FGFR2: variants seen among roughly 807,000 people sequenced by gnomAD.
FGFR2 encodes fibroblast growth factor receptor 2.
In FGFR2, 19 loss-of-function variants were observed where a neutral mutation model predicts 95.9. The observed-to-expected ratio is 0.20, with a 90% CI of 0.14 to 0.29. The LOEUF is 0.29. FGFR2 is among the 10% of genes least tolerant of loss of function. FGFR2 has a pLI of 1.00. For missense variants in FGFR2, 707 were observed against 1,056.9 expected, an observed-to-expected ratio of 0.67 and a Z score of 4.59; for synonymous variants, 392 against 393.3, an observed-to-expected ratio of 1.00 and a Z score of 0.04.
intron 2 of FGFR2, among the ~76,000 whole-genome samples, chr10:121,592,791 G>A (rs1332493091): frequency 6.6e-6 from 1 of 152,282 alleles, no homozygotes; most frequent in East Asian, 1.9e-4. Context: ...GCAGGCACCA[G>A]GTGGACTCTC....
intron 4 of FGFR2, among the ~76,000 whole-genome samples, chr10:121,562,488 G>C (rs1328691253): frequency 6.6e-6 from 1 of 152,140 alleles, no homozygotes; most frequent in Non-Finnish European, 1.5e-5. Flanking sequence ...ATTTTGCCAT[G>C]TTGGCCAAGC....
intron 2 of FGFR2, among the ~76,000 whole-genome samples, chr10:121,574,357 C>G (rs1159579302): frequency 6.6e-6 from 1 of 151,956 alleles, no homozygotes; most frequent in South Asian, 2.1e-4. Flanking sequence ...GACGAAACCC[C>G]GTCTCTACTA....
chr10:121,513,478 CA>C (rs1258035680), intron 9 of FGFR2, among the ~76,000 whole-genome samples: 1 of 151,990 alleles, frequency 6.6e-6, no homozygotes, highest in Non-Finnish European at 1.5e-5. Flanking sequence ...TTAACAGTTG[CA>C]GAAAAAAAGA....
rs193134459 is a variant in FGFR2 at position 121,554,318 on chromosome 10, G to A, written c.455-2859C>T. Among the ~76,000 whole-genome samples, 522 of 151,532 alleles carry A rather than the reference G, an allele frequency of 3.4e-3. 1 individual carries two copies. Among genetic ancestry groups the A allele is most frequent in the Non-Finnish European group, 6.3e-3 (430 of 67,928 alleles). Reference sequence around the variant, plus strand: ...CAAATATGTTTAATGAACTTGATACGGGAGGGGAGGAAGTCTTTTTTTTTT... The same window carrying A: ...CAAATATGTTTAATGAACTTGATACAGGAGGGGAGGAAGTCTTTTTTTTTT... On this transcript the variant is annotated intron_variant, in intron 4 of 17. Transcript: ENST00000358487.
chr10:121,574,301 G>A (rs932522416), intron 2 of FGFR2, among the ~76,000 whole-genome samples: 6 of 152,204 alleles, frequency 3.9e-5, no homozygotes, highest in African/African-American at 1.4e-4. Context: ...GGCCCAGGCA[G>A]GTGGATCACT....
intron 5 of FGFR2, among the ~76,000 whole-genome samples, chr10:121,540,357 G>A (rs537602744): frequency 6.8e-4 from 104 of 152,298 alleles, no homozygotes; most frequent in Admixed American, 2.0e-3. Flanking sequence ...TGGTTGAGCC[G>A]TAGACTTGTA....
intron 4 of FGFR2, 112 bp from the exon 5 acceptor site, chr10:121,551,571 T>A: frequency 9.9e-7 from 1 of 1,009,934 alleles, no homozygotes; most frequent in African/African-American, 1.6e-5. Context: ...AGGCTATTTT[T>A]TAAATCTTTG....
At chr10:121,571,033 G>A (rs1436523940) in intron 2 of FGFR2, among the ~76,000 whole-genome samples, 2 of 151,424 alleles carry the variant, frequency 1.3e-5, no homozygotes, top group Non-Finnish European at 2.9e-5. Context: ...TTGTCGCCCA[G>A]GCTGGAGTGC....
chr10:121,538,607 G>A lies in FGFR2; in HGVS notation c.733C>T (p.His245Tyr), dbSNP rs1330602328. 2 of 1,614,154 alleles carry A rather than the reference G, an allele frequency of 1.2e-6. No individual in the cohort carries two copies. Among genetic ancestry groups the A allele is most frequent in the Non-Finnish European group, 1.7e-6 (2 of 1,180,036 alleles). Reference protein sequence around the residue: ...NEYGSINHTYHLDVVERSPHR... With the variant: ...NEYGSINHTYYLDVVERSPHR... ...GCAAACTCACCCACAACATCCAGGT[G>A]GTACGTGTGATTGATGGACCCGTAT... Residue 245 changes from histidine (H) to tyrosine (Y), a missense_variant, in exon 6 of 18, where the codon CAC becomes TAC. This residue lies in a region of FGFR2 where 139 missense variants were observed against 278.1 expected (regional missense o/e 0.50). Coordinates refer to ENST00000358487, the MANE Select transcript of FGFR2 (RefSeq NM_000141.5).
At chr10:121,502,062 G>A (rs985615955) in intron 10 of FGFR2, among the ~76,000 whole-genome samples, 3 of 152,180 alleles carry the variant, frequency 2.0e-5, no homozygotes, top group Non-Finnish European at 2.9e-5. Flanking sequence ...AGGGTACCCC[G>A]GGTGGGAGGT....
intron 5 of FGFR2, among the ~76,000 whole-genome samples, chr10:121,548,279 T>TG (rs1854852762): frequency 1.3e-5 from 1 of 77,924 alleles, no homozygotes; most frequent in African/African-American, 4.9e-5. Flanking sequence ...TTTTTTTTTT[T>TG]GGTAAAGCAA....
chr10:121,555,082 T>C (rs1564979580), intron 4 of FGFR2, among the ~76,000 whole-genome samples: 1 of 152,096 alleles, frequency 6.6e-6, no homozygotes, highest in Non-Finnish European at 1.5e-5. Context: ...TTATCTAAAA[T>C]GAATCTGCAG....
intron 4 of FGFR2, among the ~76,000 whole-genome samples, chr10:121,563,266 C>T (rs976142695): frequency 6.6e-5 from 10 of 151,986 alleles, no homozygotes; most frequent in Admixed American, 2.0e-4. Context: ...CCTAGTTACT[C>T]GGGAGGCTGA....
chr10:121,496,119 C>T (rs945356390), intron 13 of FGFR2, among the ~76,000 whole-genome samples: 2 of 151,774 alleles, frequency 1.3e-5, no homozygotes, highest in Non-Finnish European at 2.9e-5. Flanking sequence ...CATATCAAAC[C>T]CAAAACACTA....
At position 121,540,528 on chromosome 10, in the gene FGFR2, A is replaced by G. The variant is rs116666430; in HGVS notation, c.625-1813T>C. Among the ~76,000 whole-genome samples the G allele has an allele frequency of 2.7e-3, 407 of 152,310 alleles. 2 individuals carry two copies. Among genetic ancestry groups the G allele is most frequent in the African/African-American group, 8.6e-3 (359 of 41,570 alleles). On this transcript the variant is annotated intron_variant, in intron 5 of 17. Coordinates refer to ENST00000358487, the MANE Select transcript of FGFR2 (RefSeq NM_000141.5). The stretch of plus-strand genomic sequence containing the variant: ...CTGGATCCCTGGGTGCTACAACGGC[A>G]TCGTTATGCTAAGAGCATGGGACAC...
intron 2 of FGFR2, among the ~76,000 whole-genome samples, chr10:121,572,158 G>GAA (rs71022844): frequency 5.7e-5 from 6 of 105,836 alleles, no homozygotes; most frequent in African/African-American, 2.2e-4. Context: ...CACAAAAAAT[G>GAA]AAAAAAAAAA....
chr10:121,569,643 G>A (rs919544157), intron 2 of FGFR2, among the ~76,000 whole-genome samples: 1 of 152,216 alleles, frequency 6.6e-6, no homozygotes, highest in Non-Finnish European at 1.5e-5. Context: ...GATCAAAACT[G>A]TCATCTAGAT....
At position 121,586,345 on chromosome 10, in the gene FGFR2, C is replaced by T. The variant is rs547919268; in HGVS notation, c.109+7364G>A. ...ATTTTCCTTATAAGCTATTTTTAGC[C>T]TCCTCATAAAACACATTCAGCATAA... On this transcript the variant is annotated intron_variant, in intron 2 of 17. Coordinates refer to ENST00000358487, the MANE Select transcript of FGFR2 (RefSeq NM_000141.5). Among the ~76,000 whole-genome samples the T allele has an allele frequency of 3.0e-4, 46 of 152,306 alleles. 1 individual carries two copies. In the South Asian group the frequency reaches 8.7e-3, roughly 29 times the overall value.
At chr10:121,581,761 TAAAAAAA>T (rs55911512) in intron 2 of FGFR2, among the ~76,000 whole-genome samples, 838 of 62,602 alleles carry the variant, frequency 0.013, 14 homozygotes, top group African/African-American at 0.037. Flanking sequence ...ACCCTGCATT[TAAAAAAA>T]AAAAAAAAAA....
Sources: allele counts gnomAD v4.1 joint callset (sites outside exome capture counted in the v4.1 genomes callset), GRCh38; gene constraint gnomAD v4.1.1; regional missense constraint gnomAD v4.1.1; transcripts MANE v1.5; gene names NCBI Gene and HGNC (gene_info 2026-07-23, HGNC 2026-07-21).